The following IGSF21 variants were observed in gnomAD, a reference collection of about 807,000 sequenced individuals.
The protein encoded by IGSF21 is immunoglobulin superfamily member 21.
In IGSF21, 28 loss-of-function variants were observed where a neutral mutation model predicts 46.8. The ratio of observed to expected loss-of-function variants is 0.60; its 90% CI spans 0.44 to 0.82. The LOEUF (loss-of-function observed/expected upper bound fraction) is 0.82. Among genes scored for constraint, IGSF21 ranks in the 40% least tolerant of loss-of-function variants. The pLI is 0.00. For synonymous variants in IGSF21, 284 were observed against 273.6 expected, an observed-to-expected ratio of 1.04 and a Z score of -0.38; for missense variants, 624 against 665.5, an observed-to-expected ratio of 0.94 and a Z score of 0.69.
intron 1 of IGSF21, chr1:18,111,421 TTTTTC>T (rs1457093880): frequency 3.9e-5 from 6 of 152,376 alleles, no homozygotes; most frequent in East Asian, 1.9e-4. Context: ...TGTGTTTTTC[TTTTTC>T]TTTTAAGTAG....
intron 1 of IGSF21, among the ~76,000 whole-genome samples, chr1:18,157,211 G>A (rs2086576565): frequency 6.6e-6 from 1 of 152,156 alleles, no homozygotes; most frequent in Admixed American, 6.5e-5. Context: ...CTCAGTCCAG[G>A]GCCCCAGACT....
chr1:18,134,304 A>G lies in IGSF21; in HGVS notation c.70+26106A>G, dbSNP rs148761533. On this transcript the variant is annotated intron_variant, in intron 1 of 9. Coordinates refer to ENST00000251296, the MANE Select transcript of IGSF21 (RefSeq NM_032880.5). Reference sequence around the variant, plus strand: ...CCCTCTCTGAATTTTCCCCTTCTGTAAGGGGGGCAGAGAGGCTGTCATCTC... The same window carrying G: ...CCCTCTCTGAATTTTCCCCTTCTGTGAGGGGGGCAGAGAGGCTGTCATCTC... Among the ~76,000 whole-genome samples, 1,393 of 152,100 alleles carry G rather than the reference A, an allele frequency of 9.2e-3. 24 individuals carry two copies. The highest frequency in any genetic ancestry group is 0.032 in the African/African-American group (1,331 of 41,456).
chr1:18,177,399 G>GGGGATGGGGTCAGTGAGGTA (rs58599918), intron 1 of IGSF21, among the ~76,000 whole-genome samples: 10,795 of 52,238 alleles, frequency 0.21, 583 homozygotes, highest in Middle Eastern at 0.4. Context: ...TGAGGTGTGT[G>GGGGATGGGGTCAGTGAGGTA]TGTGTGTGTG....
chr1:18,247,256 G>T (rs2084794271), intron 2 of IGSF21, among the ~76,000 whole-genome samples: 1 of 152,036 alleles, frequency 6.6e-6, no homozygotes, highest in Non-Finnish European at 1.5e-5. Flanking sequence ...CCCAGGATGG[G>T]GGCCAGCTCT....
intron 6 of IGSF21, among the ~76,000 whole-genome samples, chr1:18,374,809 T>TG (rs1471840909): frequency 6.6e-6 from 1 of 152,020 alleles, no homozygotes; most frequent in African/African-American, 2.4e-5. Flanking sequence ...CAAGGAAAGG[T>TG]GGGGGTAATC....
At chr1:18,319,296 C>T (rs1479536128) in intron 3 of IGSF21, among the ~76,000 whole-genome samples, 1 of 152,246 alleles carries the variant, frequency 6.6e-6, no homozygotes, top group Non-Finnish European at 1.5e-5. Context: ...GACACACCCC[C>T]TCCTATAAGA....
intron 1 of IGSF21, among the ~76,000 whole-genome samples, chr1:18,162,441 A>G (rs992880964): frequency 6.6e-6 from 1 of 152,144 alleles, no homozygotes; most frequent in African/African-American, 2.4e-5. Context: ...ATGCAGTGGG[A>G]AACTCCCTAG....
chr1:18,239,772 G>A (rs111382395), intron 2 of IGSF21, among the ~76,000 whole-genome samples: 16 of 150,908 alleles, frequency 1.1e-4, no homozygotes, highest in African/African-American at 3.7e-4. Context: ...CCCGCCACCA[G>A]AGGCTTTTCC....
intron 2 of IGSF21, among the ~76,000 whole-genome samples, chr1:18,236,868 C>T (rs1401552335): frequency 6.6e-6 from 1 of 152,158 alleles, no homozygotes; most frequent in Non-Finnish European, 1.5e-5. Context: ...CATATGGAGC[C>T]CACTGGGGAC....
intron 3 of IGSF21, among the ~76,000 whole-genome samples, chr1:18,332,689 C>T (rs999111863): frequency 4.6e-5 from 7 of 152,138 alleles, no homozygotes; most frequent in East Asian, 1.9e-4. Context: ...TGGAGGGGGA[C>T]GGCGTCTTCT....
intron 1 of IGSF21, among the ~76,000 whole-genome samples, chr1:18,127,958 C>T (rs913449947): frequency 6.6e-6 from 1 of 152,062 alleles, no homozygotes; most frequent in African/African-American, 2.4e-5. Flanking sequence ...AAGCATCTGA[C>T]ATCCATAACT....
At chr1:18,297,813 A>G (rs944008304) in intron 3 of IGSF21, among the ~76,000 whole-genome samples, 4 of 142,064 alleles carry the variant, frequency 2.8e-5, no homozygotes, top group Non-Finnish European at 4.6e-5. Context: ...TTGTTGCATT[A>G]TTATTTTTTT....
chr1:18,197,737 T>G (rs1051707261), intron 1 of IGSF21, among the ~76,000 whole-genome samples: 1 of 152,254 alleles, frequency 6.6e-6, no homozygotes, highest in Non-Finnish European at 1.5e-5. Flanking sequence ...TTTATCTATC[T>G]GAGCCTAAGT....
At chr1:18,143,455 C>T (rs2086436761) in intron 1 of IGSF21, among the ~76,000 whole-genome samples, 1 of 152,160 alleles carries the variant, frequency 6.6e-6, no homozygotes, top group Non-Finnish European at 1.5e-5. Context: ...CCATGGCTCC[C>T]CAGTGCCCAG....
chr1:18,147,935 G>T (rs1487847243), intron 1 of IGSF21, among the ~76,000 whole-genome samples: 1 of 151,976 alleles, frequency 6.6e-6, no homozygotes, highest in Non-Finnish European at 1.5e-5. Context: ...TTGATAATGA[G>T]TAAGTCTCAT....
At chr1:18,344,100 T>C (rs889321674) in intron 4 of IGSF21, among the ~76,000 whole-genome samples, 4 of 152,160 alleles carry the variant, frequency 2.6e-5, no homozygotes, top group African/African-American at 9.7e-5. Flanking sequence ...TTCTTGAACG[T>C]GATTCTCTGG....
Position 18,161,910 on chromosome 1 carries a change from T to C in IGSF21, c.70+53712T>C, listed in dbSNP as rs566167811. ...GACCTTGGGCAGGGCACTTAACGTCTCTGAGCCTCTGTTTTCTCATCTGCA... is the reference window on the plus strand; with the variant it reads ...GACCTTGGGCAGGGCACTTAACGTCCCTGAGCCTCTGTTTTCTCATCTGCA... On this transcript the variant is annotated intron_variant, in intron 1 of 9. Transcript: ENST00000251296. Among the ~76,000 whole-genome samples, 6 of 152,282 alleles carry C rather than the reference T, an allele frequency of 3.9e-5. No homozygotes were observed. The East Asian group carries it at 1.2e-3, about 29-fold the overall frequency.
At chr1:18,267,657 C>A (rs950733400) in intron 2 of IGSF21, among the ~76,000 whole-genome samples, 2 of 152,190 alleles carry the variant, frequency 1.3e-5, no homozygotes, top group African/African-American at 2.4e-5. Context: ...CTGGGACTTT[C>A]CCAGACACTG....
At chr1:18,260,515 A>G (rs897391953) in intron 2 of IGSF21, among the ~76,000 whole-genome samples, 10 of 152,268 alleles carry the variant, frequency 6.6e-5, no homozygotes, top group African/African-American at 2.4e-4. Flanking sequence ...TAGTGCACCC[A>G]TAGTCATAGT....
Sources: allele counts gnomAD v4.1 joint callset (sites outside exome capture counted in the v4.1 genomes callset), GRCh38; gene constraint gnomAD v4.1.1; transcripts MANE v1.5; gene names NCBI Gene and HGNC (gene_info 2026-07-23, HGNC 2026-07-21).